GBE1: variants seen among roughly 807,000 people sequenced by gnomAD.
GBE1 encodes the protein 1,4-alpha-glucan branching enzyme 1, also known as 1,4-alpha-glucan-branching enzyme.
GBE1 carries 70 observed loss-of-function variants against 88.8 expected under a neutral mutation model. The ratio of observed to expected loss-of-function variants is 0.79; its 90% CI spans 0.65 to 0.96. GBE1 has a LOEUF of 0.96. GBE1 is among the 40% of genes least tolerant of loss of function. The probability of loss-of-function intolerance (pLI) is 0.00; values close to 1 mark genes in which losing one functional copy is unlikely to be tolerated. For synonymous variants in GBE1, 284 were observed against 300.1 expected, an observed-to-expected ratio of 0.95 and a Z score of 0.56; for missense variants, 872 against 871.0, an observed-to-expected ratio of 1.00 and a Z score of -0.01.
chr3:81,516,434 T>C (rs1208840142), intron 14 of GBE1, among the ~76,000 whole-genome samples: 2 of 151,530 alleles, frequency 1.3e-5, no homozygotes, highest in African/African-American at 4.8e-5. Flanking sequence ...CTTTCAAATA[T>C]TACCTGATTG....
chr3:81,616,948 C>G (rs912172058), intron 7 of GBE1, among the ~76,000 whole-genome samples: 1 of 151,766 alleles, frequency 6.6e-6, no homozygotes, highest in African/African-American at 2.4e-5. Flanking sequence ...AGAGAAACAA[C>G]TTCAAGGAAG....
chr3:81,619,719 C>T (rs1704299556), intron 7 of GBE1, among the ~76,000 whole-genome samples: 1 of 152,006 alleles, frequency 6.6e-6, no homozygotes, highest in South Asian at 2.1e-4. Flanking sequence ...TGGAGACACT[C>T]ACATTTAAAA....
At chr3:81,624,204 T>C (rs1211256186) in intron 7 of GBE1, among the ~76,000 whole-genome samples, 1 of 152,140 alleles carries the variant, frequency 6.6e-6, no homozygotes, top group African/African-American at 2.4e-5. Context: ...AAGCCCCTTA[T>C]AAAACCATCA....
rs1706072036 is a variant in GBE1, at chr3:81,723,880, G to T, written c.144-18267C>A. Among the ~76,000 whole-genome samples the T allele has an allele frequency of 2.0e-5, 3 of 152,206 alleles. No individual in the cohort carries two copies. In the South Asian group the frequency reaches 6.2e-4, roughly 31 times the overall value. ...TTTGCTTCCTGCTCACGGCCAGTAT[G>T]CAGTACTATGAAAAGCATTAGTCAT... On this transcript the variant is annotated intron_variant, in intron 1 of 15. Transcript: ENST00000429644.
chr3:81,619,067 T>C (rs979323934), intron 7 of GBE1, among the ~76,000 whole-genome samples: 6 of 152,166 alleles, frequency 3.9e-5, no homozygotes, highest in Non-Finnish European at 8.8e-5. Context: ...AAGGAACATG[T>C]AATTTTCATT....
intron 14 of GBE1, among the ~76,000 whole-genome samples, chr3:81,518,088 T>G (rs1257624737): frequency 1.3e-5 from 2 of 151,372 alleles, no homozygotes; most frequent in Non-Finnish European, 3.0e-5. Context: ...GCACAAATGT[T>G]CCTCCCCCCC....
intron 1 of GBE1, among the ~76,000 whole-genome samples, chr3:81,744,044 C>T (rs1706388912): frequency 6.6e-6 from 1 of 152,112 alleles, no homozygotes; most frequent in Non-Finnish European, 1.5e-5. Context: ...GAACACAGGG[C>T]TGACTGAACC....
intron 12 of GBE1, among the ~76,000 whole-genome samples, chr3:81,573,005 C>T (rs1703595236): frequency 6.6e-6 from 1 of 152,102 alleles, no homozygotes; most frequent in Non-Finnish European, 1.5e-5. Context: ...AAAATACATT[C>T]ACTGAGGTCA....
chr3:81,651,611 C>T lies in GBE1; in HGVS notation c.430-1690G>A, dbSNP rs141249594. 1.7e-3 allele frequency among the ~76,000 whole-genome samples: 257 copies of T among 152,038 alleles called. 1 individual carries two copies. Among genetic ancestry groups the T allele is most frequent in the Middle Eastern group, 6.8e-3 (2 of 294 alleles). On this transcript the variant is annotated intron_variant, in intron 3 of 15. Coordinates refer to ENST00000429644, the MANE Select transcript of GBE1 (RefSeq NM_000158.4). Reference sequence around the variant, plus strand: ...CTACATGAATTTGTAGCATAATATGCTACAGTAATATGTTTAAGAAAGGGC... The same window carrying T: ...CTACATGAATTTGTAGCATAATATGTTACAGTAATATGTTTAAGAAAGGGC...
intron 3 of GBE1, among the ~76,000 whole-genome samples, chr3:81,651,900 A>G (rs1022687769): frequency 2.0e-5 from 3 of 152,188 alleles, no homozygotes; most frequent in African/African-American, 7.2e-5. Flanking sequence ...ACACTAATCC[A>G]TTCATCTTGC....
At chr3:81,738,628 T>C (rs371457780) in intron 1 of GBE1, among the ~76,000 whole-genome samples, 1 of 152,116 alleles carries the variant, frequency 6.6e-6, no homozygotes, top group South Asian at 2.1e-4. Context: ...AAAGAAAAAT[T>C]CTAAAAAAAT....
chr3:81,713,403 A>G (rs1036541576), intron 1 of GBE1, among the ~76,000 whole-genome samples: 1 of 152,210 alleles, frequency 6.6e-6, no homozygotes, highest in South Asian at 2.1e-4. Flanking sequence ...CCAGTGGCCA[A>G]TTGGGATGAA....
chr3:81,659,327 T>C (rs1704989204), intron 3 of GBE1, among the ~76,000 whole-genome samples: 1 of 151,784 alleles, frequency 6.6e-6, no homozygotes, highest in Non-Finnish European at 1.5e-5. Flanking sequence ...AAGCAATCAT[T>C]CTTTTTTTAT....
intron 3 of GBE1, 54 bp downstream of exon 3, chr3:81,670,784 A>C (rs1361606210): frequency 2.1e-6 from 2 of 963,280 alleles, no homozygotes; most frequent in Non-Finnish European, 3.0e-6. Flanking sequence ...AACTTGGCAA[A>C]CAAGATAAAA....
chr3:81,594,131 C>A (rs1703920296), intron 7 of GBE1, 108 bp from the exon 8 acceptor site: 2 of 538,460 alleles, frequency 3.7e-6, no homozygotes, highest in Non-Finnish European at 6.6e-6. Flanking sequence ...TCTCAAGAAT[C>A]ATAATGTTCA....
Position 81,750,611 on chromosome 3 carries a change from ATATATG to A in GBE1, c.143+10758_143+10763del, listed in dbSNP as rs1559708681. ...TACGTATATATATATGTGTATATAT[ATATATG>A]TATATATATATACGTATATATATAT... On this transcript the variant is annotated intron_variant, in intron 1 of 15. Transcript: ENST00000429644. Among the ~76,000 whole-genome samples, 21 of 59,522 alleles carry A rather than the reference ATATATG, an allele frequency of 3.5e-4. 1 individual carries two copies. The highest frequency in any genetic ancestry group is 2.8e-3 in the East Asian group (2 of 724). The allele number at this position is 59,522 out of a possible 152,430, so 39.0% of individuals were successfully genotyped here.
intron 10 of GBE1, among the ~76,000 whole-genome samples, chr3:81,582,892 T>G (rs1329296719): frequency 6.6e-6 from 1 of 151,924 alleles, no homozygotes; most frequent in East Asian, 1.9e-4. Context: ...TCATCAAAAT[T>G]TTTAAAAAAT....
At chr3:81,623,030 T>C (rs1704354156) in intron 7 of GBE1, among the ~76,000 whole-genome samples, 1 of 152,190 alleles carries the variant, frequency 6.6e-6, no homozygotes, top group Admixed American at 6.5e-5. Flanking sequence ...AAATGATCTT[T>C]TCAGTAATGT....
intron 7 of GBE1, among the ~76,000 whole-genome samples, chr3:81,634,956 T>C (rs1008890520): frequency 6.6e-6 from 1 of 152,068 alleles, no homozygotes; most frequent in Admixed American, 6.6e-5. Context: ...ATGAATATCA[T>C]AATCTCACAA....
Sources: gnomAD v4.1 joint callset for allele counts (sites outside exome capture counted in the v4.1 genomes callset) on GRCh38, gnomAD v4.1.1 for gene constraint, MANE v1.5 for transcripts, NCBI Gene and HGNC (gene_info 2026-07-23, HGNC 2026-07-21) for gene names.